The following PCDHA7 variants were observed in gnomAD, a reference collection of about 807,000 sequenced individuals.
The protein encoded by PCDHA7 is protocadherin alpha 7.
A neutral mutation model predicts 57.2 loss-of-function variants in PCDHA7; 37 were observed. The ratio of observed to expected loss-of-function variants is 0.65; its 90% CI spans 0.50 to 0.85. PCDHA7 has a LOEUF of 0.85. Ranked by LOEUF, PCDHA7 falls within the 40% of genes least tolerant of loss-of-function variation. The pLI, the probability that PCDHA7 is intolerant of heterozygous loss-of-function variation, is 0.00. For synonymous variants in PCDHA7, 553 were observed against 558.8 expected, an observed-to-expected ratio of 0.99 and a Z score of 0.15; for missense variants, 1,188 against 1,241.8, an observed-to-expected ratio of 0.96 and a Z score of 0.65.
chr5:140,963,680 T>G (rs1482854996), intron 1 of PCDHA7, among the ~76,000 whole-genome samples: 1 of 152,238 alleles, frequency 6.6e-6, no homozygotes, highest in African/African-American at 2.4e-5. Context: ...TTAAATGTGT[T>G]TATCCGTGTT....
chr5:140,998,569 GTT>G (rs71574497), intron 3 of PCDHA7, among the ~76,000 whole-genome samples: 14 of 149,410 alleles, frequency 9.4e-5, no homozygotes, highest in Admixed American at 6.7e-4. Flanking sequence ...TTGTAAATAA[GTT>G]TTTTTTTTTT....
chr5:140,884,383 C>T lies in PCDHA7; in HGVS notation c.2355+47645C>T, dbSNP rs185410866. The T allele has an allele frequency of 5.2e-5, 84 of 1,613,994 alleles. No homozygotes were observed. In the Admixed American group the frequency reaches 1.4e-3, roughly 27 times the overall value. ...ATGTTTACTTGATCATTGCCATCTG[C>T]GCGGTGTCCAGCCTGTTGGTGCTCA... On this transcript the variant is annotated intron_variant, in intron 1 of 3. Transcript: ENST00000525929.
chr5:140,892,661 T>A (rs2063613573), intron 1 of PCDHA7, among the ~76,000 whole-genome samples: 1 of 152,232 alleles, frequency 6.6e-6, no homozygotes, highest in Non-Finnish European at 1.5e-5. Flanking sequence ...CAGAGTGACA[T>A]TTTGATACAT....
At chr5:140,967,845 A>G in intron 1 of PCDHA7, 3 of 1,614,160 alleles carry the variant, frequency 1.9e-6, no homozygotes, top group Non-Finnish European at 2.5e-6. Flanking sequence ...GACGTGAATG[A>G]CAATGCCCCA....
rs369670852 is a variant in PCDHA7, at chr5:140,928,571, C to G, written c.2356-50378C>G. 1.9e-5 allele frequency: 30 copies of G among 1,614,180 alleles called. 1 individual carries two copies. The African/African-American group carries it at 1.9e-4, about 10-fold the overall frequency. On this transcript the variant is annotated intron_variant, in intron 1 of 3. Transcript: ENST00000525929. ...TATCCGGTTATCTTGTTTCCCTTGC[C>G]CAGAAATGGTTCTGTCCCAGTGGAA...
At chr5:140,837,860 G>A (rs2150280331) in intron 1 of PCDHA7, among the ~76,000 whole-genome samples, 4 of 151,378 alleles carry the variant, frequency 2.6e-5, no homozygotes, top group Admixed American at 6.6e-5. Context: ...TTTTATTTTT[G>A]TAGAGACAGG....
intron 1 of PCDHA7, chr5:140,869,054 T>C: frequency 6.5e-7 from 1 of 1,545,104 alleles, no homozygotes; most frequent in African/African-American, 1.4e-5. Context: ...CTGAAGAATC[T>C]GGTACTGTAA....
At position 140,971,724 on chromosome 5, in the gene PCDHA7, C is replaced by T. The variant is rs1489489083; in HGVS notation, c.2356-7225C>T. On this transcript the variant is annotated intron_variant, in intron 1 of 3. Coordinates refer to ENST00000525929, the MANE Select transcript of PCDHA7 (RefSeq NM_018910.3). ...CCCTGCTATATAGATATATGTATAT[C>T]ATACATATACACATACATATATCTC... 2.0e-5 allele frequency among the ~76,000 whole-genome samples: 3 copies of T among 151,776 alleles called. No homozygotes were observed. The East Asian group carries it at 5.8e-4, about 29-fold the overall frequency.
chr5:140,988,936 T>C (rs2097321406), intron 3 of PCDHA7: 1 of 152,158 alleles, frequency 6.6e-6, no homozygotes, highest in Non-Finnish European at 1.5e-5. Flanking sequence ...ACTGTTCTCT[T>C]AGGCTGCAGT....
rs202126810 is a variant in PCDHA7 at position 140,842,731 on chromosome 5, G to T, written c.2355+5993G>T. ...TGTTCGTGAAGGAGAACAACCCGCC[G>T]GGCTGCCACATCTTCACGGTGTCTG... On this transcript the variant is annotated intron_variant, in intron 1 of 3. Transcript: ENST00000525929. 3.1e-5 allele frequency: 49 copies of T among 1,594,938 alleles called. 4 individuals are homozygous for T. Among genetic ancestry groups the T allele is most frequent in the Non-Finnish European group, 4.1e-5 (48 of 1,165,464 alleles).
At position 140,878,341 on chromosome 5, in the gene PCDHA7, A is replaced by G. The variant is rs980108622; in HGVS notation, c.2355+41603A>G. Reference sequence around the variant, plus strand: ...TTCACATTATATTCCAGGTATTATCACAATAATATAAATGATATGTCTGAC... The same window carrying G: ...TTCACATTATATTCCAGGTATTATCGCAATAATATAAATGATATGTCTGAC... On this transcript the variant is annotated intron_variant, in intron 1 of 3. Coordinates refer to ENST00000525929, the MANE Select transcript of PCDHA7 (RefSeq NM_018910.3). Among the ~76,000 whole-genome samples the G allele has an allele frequency of 2.0e-5, 3 of 152,350 alleles. No homozygotes were observed. In the East Asian group the frequency reaches 5.8e-4, roughly 29 times the overall value.
intron 1 of PCDHA7, chr5:140,882,691 C>G (rs201544181): frequency 1.2e-6 from 2 of 1,614,216 alleles, no homozygotes; most frequent in Admixed American, 1.7e-5. Context: ...AACGAATAAT[C>G]ATTGCAGAAT....
At chr5:140,905,383 A>G (rs576453128) in intron 1 of PCDHA7, among the ~76,000 whole-genome samples, 8 of 152,324 alleles carry the variant, frequency 5.3e-5, no homozygotes, top group African/African-American at 1.7e-4. Flanking sequence ...GTTCTGTTTC[A>G]TAGGTCTGTG....
At chr5:140,871,700 A>G in intron 1 of PCDHA7, 1 of 896,726 alleles carries the variant, frequency 1.1e-6, no homozygotes, top group Non-Finnish European at 1.6e-6. Flanking sequence ...TTCTTTAACC[A>G]ATAAATGTCC....
chr5:140,867,133 A>T (rs1554160961), intron 1 of PCDHA7: 1 of 152,166 alleles, frequency 6.6e-6, no homozygotes, highest in African/African-American at 2.4e-5. Flanking sequence ...CAAATATGTG[A>T]TATTATCATT....
At chr5:140,885,809 T>G (rs1208963596) in intron 1 of PCDHA7, among the ~76,000 whole-genome samples, 1 of 152,320 alleles carries the variant, frequency 6.6e-6, no homozygotes, top group African/African-American at 2.4e-5. Flanking sequence ...ATTTTGTTGA[T>G]TTGTATTTGA....
chr5:140,850,305 A>G lies in PCDHA7; in HGVS notation c.2355+13567A>G, dbSNP rs145743353. ...CGCAGTGGACGCCGACTCGGGCTAC[A>G]ACGCGTGGCTTTCATACGAGCTGCA... On this transcript the variant is annotated intron_variant, in intron 1 of 3. Transcript: ENST00000525929. 1.9e-5 allele frequency: 30 copies of G among 1,596,858 alleles called. 3 individuals carry two copies. Among genetic ancestry groups the G allele is most frequent in the Non-Finnish European group, 2.5e-5 (29 of 1,167,642 alleles).
At chr5:140,839,172 A>T (rs1216545013) in intron 1 of PCDHA7, among the ~76,000 whole-genome samples, 5 of 150,756 alleles carry the variant, frequency 3.3e-5, no homozygotes, top group African/African-American at 7.4e-5. Context: ...AAAGATATTC[A>T]GTTTTGTGGA....
Position 140,835,501 on chromosome 5 carries a change from G to A in PCDHA7, c.1118G>A (p.Ser373Asn). 2 of 1,613,940 alleles carry A rather than the reference G, an allele frequency of 1.2e-6. No homozygotes were observed. The highest frequency in any genetic ancestry group is 1.7e-6 in the Non-Finnish European group (2 of 1,179,884). ...CCAGGTACCGTCATCACATTGATTA[G>A]CGTGTTTGACCGAGATTTTGGAGTC... ...AQPGTVITLI[S>N]VFDRDFGVNG... Residue 373 changes from serine to asparagine, a missense_variant, in exon 1 of 4, where the codon AGC (serine) becomes AAC (asparagine). Ser to Asn is a conservative substitution (Grantham distance 46). Coordinates refer to ENST00000525929, the MANE Select transcript of PCDHA7 (RefSeq NM_018910.3).
Sources: allele counts gnomAD v4.1 joint callset (sites outside exome capture counted in the v4.1 genomes callset), GRCh38; gene constraint gnomAD v4.1.1; transcripts MANE v1.5; gene names NCBI Gene and HGNC (gene_info 2026-07-23, HGNC 2026-07-21).